The following TENM4 variants were observed in gnomAD, a reference collection of about 807,000 sequenced individuals.
TENM4 encodes the protein teneurin-4.
Under a neutral mutation model 243.3 loss-of-function variants are expected in TENM4, and 82 were observed. The ratio of observed to expected loss-of-function variants is 0.34; its 90% CI spans 0.28 to 0.40. The LOEUF (loss-of-function observed/expected upper bound fraction) is 0.40. Among genes scored for constraint, TENM4 ranks in the 10% least tolerant of loss-of-function variants. TENM4 has a pLI of 1.00. For synonymous variants in TENM4, 1,412 were observed against 1,456.3 expected (o/e 0.97, Z 0.69); for missense variants, 3,138 against 3,673.3 (o/e 0.85, Z 3.77).
intron 4 of TENM4, among the ~76,000 whole-genome samples, chr11:79,135,803 A>T (rs112872160): frequency 4.5e-4 from 65 of 143,094 alleles, no homozygotes; most frequent in Middle Eastern, 7.3e-3. Context: ...TTATATATGT[A>T]TGATATATAT....
intron 19 of TENM4, among the ~76,000 whole-genome samples, chr11:78,744,538 A>G (rs1856002719): frequency 6.6e-6 from 1 of 152,072 alleles, no homozygotes; most frequent in Admixed American, 6.5e-5. Flanking sequence ...TGGGAGAGTC[A>G]CTCCACCTCT....
intron 1 of TENM4, among the ~76,000 whole-genome samples, chr11:79,368,470 A>C (rs1438689534): frequency 6.6e-6 from 1 of 152,222 alleles, no homozygotes; most frequent in Non-Finnish European, 1.5e-5. Flanking sequence ...CTCACCTGTA[A>C]TACTATTTAT....
chr11:78,976,643 G>A (rs1857661803), intron 6 of TENM4, among the ~76,000 whole-genome samples: 1 of 152,166 alleles, frequency 6.6e-6, no homozygotes, highest in Non-Finnish European at 1.5e-5. Context: ...TTCCTCTACT[G>A]TCACTCCAAG....
intron 29 of TENM4, among the ~76,000 whole-genome samples, chr11:78,686,293 A>G (rs887181096): frequency 2.6e-5 from 4 of 152,182 alleles, no homozygotes; most frequent in Admixed American, 6.5e-5. Flanking sequence ...GGTGAAGGTG[A>G]TGTGCCTGGG....
chr11:79,168,273 C>T (rs994841520), intron 3 of TENM4, among the ~76,000 whole-genome samples: 1 of 152,156 alleles, frequency 6.6e-6, no homozygotes, highest in Non-Finnish European at 1.5e-5. Flanking sequence ...ATCTGATTAT[C>T]TCCCAAGTCA....
intron 3 of TENM4, among the ~76,000 whole-genome samples, chr11:79,184,563 G>C (rs1034264602): frequency 6.6e-6 from 1 of 151,528 alleles, no homozygotes; most frequent in African/African-American, 2.4e-5. Flanking sequence ...GGAGGTTAGG[G>C]GGGGTGGGAA....
At chr11:79,122,987 C>T (rs1277249970) in intron 4 of TENM4, among the ~76,000 whole-genome samples, 1 of 152,234 alleles carries the variant, frequency 6.6e-6, no homozygotes. Context: ...TTACCTCAAA[C>T]AGCCCTGACT....
At chr11:78,880,457 TAAAAAAAA>T (rs71763484) in intron 9 of TENM4, among the ~76,000 whole-genome samples, 1 of 104,644 alleles carries the variant, frequency 9.6e-6, no homozygotes, top group African/African-American at 6.8e-5. Flanking sequence ...CAATAAATAC[TAAAAAAAA>T]AAAAAAAAAA....
At chr11:79,023,221 C>T (rs375896585) in intron 6 of TENM4, among the ~76,000 whole-genome samples, 12 of 152,088 alleles carry the variant, frequency 7.9e-5, no homozygotes, top group Non-Finnish European at 1.8e-4. Flanking sequence ...ATGCCACCAC[C>T]CTCACATTAG....
At chr11:79,196,477 A>C (rs1344950261) in intron 3 of TENM4, among the ~76,000 whole-genome samples, 4 of 152,054 alleles carry the variant, frequency 2.6e-5, no homozygotes, top group African/African-American at 9.7e-5. Context: ...CTTAAGCCTC[A>C]GTGTCTCTGT....
In TENM4 at chr11:79,124,883, GTATATGTATA is replaced by G. The variant is rs1861835688; in HGVS notation, c.-66+23817_-66+23826del. 5.9e-5 allele frequency among the ~76,000 whole-genome samples: 4 copies of G among 68,110 alleles called. No individual in the cohort carries two copies. The South Asian group carries it at 2.1e-3, about 36-fold the overall frequency. The allele number at this position is 68,110 out of a possible 152,430, so 44.7% of individuals were successfully genotyped here. On this transcript the variant is annotated intron_variant, in intron 4 of 33. Coordinates refer to ENST00000278550, the MANE Select transcript of TENM4 (RefSeq NM_001098816.3). ...TATATGTATATGTATGTGTATATAT[GTATATGTATA>G]TGTGTGTGTGTGTGTGTGTGTGTGT...
Position 79,296,432 on chromosome 11 carries a change from C to T in TENM4, c.-265+1056G>A, listed in dbSNP as rs531214154. Reference sequence around the variant, plus strand: ...GGCCTGGAGCAGGTTTCCCTTGGTTCTCAGCTTACTGCGAGCTCACAGCTG... The same window carrying T: ...GGCCTGGAGCAGGTTTCCCTTGGTTTTCAGCTTACTGCGAGCTCACAGCTG... On this transcript the variant is annotated intron_variant, in intron 2 of 33. Coordinates refer to ENST00000278550, the MANE Select transcript of TENM4 (RefSeq NM_001098816.3). Among the ~76,000 whole-genome samples the T allele has an allele frequency of 1.3e-4, 20 of 152,350 alleles. No homozygotes were observed. The South Asian group carries it at 4.1e-3, about 32-fold the overall frequency.
At chr11:78,731,277 A>C (rs1855661367) in intron 21 of TENM4, among the ~76,000 whole-genome samples, 2 of 152,166 alleles carry the variant, frequency 1.3e-5, no homozygotes, top group South Asian at 4.1e-4. Context: ...TTTCATAAGA[A>C]AGGTCAGCCT....
chr11:79,099,224 A>C (rs1322201465), intron 4 of TENM4, among the ~76,000 whole-genome samples: 3 of 152,064 alleles, frequency 2.0e-5, no homozygotes, highest in Non-Finnish European at 2.9e-5. Flanking sequence ...CCAGGGGTGC[A>C]TCTGAGGGAG....
At chr11:79,377,085 C>G (rs1857906698) in intron 1 of TENM4, among the ~76,000 whole-genome samples, 1 of 152,180 alleles carries the variant, frequency 6.6e-6, no homozygotes, top group Admixed American at 6.5e-5. Flanking sequence ...CACAAACACA[C>G]AGGCGATAAC....
At chr11:79,229,711 C>T (rs915732282) in intron 2 of TENM4, among the ~76,000 whole-genome samples, 1 of 152,212 alleles carries the variant, frequency 6.6e-6, no homozygotes, top group African/African-American at 2.4e-5. Context: ...ATAGAAGCCT[C>T]ATGACATTGG....
intron 6 of TENM4, among the ~76,000 whole-genome samples, chr11:78,941,460 G>A (rs553207866): frequency 6.6e-6 from 1 of 152,328 alleles, no homozygotes; most frequent in South Asian, 2.1e-4. Context: ...TGCCGAGGGA[G>A]GGTGGGGGAA....
At chr11:79,236,307 C>T (rs908816935) in intron 2 of TENM4, among the ~76,000 whole-genome samples, 1 of 152,202 alleles carries the variant, frequency 6.6e-6, no homozygotes, top group Non-Finnish European at 1.5e-5. Flanking sequence ...GACATTCCTG[C>T]CTTCTAGTCG....
chr11:79,308,963 A>G lies in TENM4; in HGVS notation c.-320-11420T>C, dbSNP rs113342077. Among the ~76,000 whole-genome samples the G allele has an allele frequency of 2.8e-3, 428 of 152,320 alleles. 1 individual carries two copies. The highest frequency in any genetic ancestry group is 9.3e-3 in the African/African-American group (388 of 41,560). On this transcript the variant is annotated intron_variant, in intron 1 of 33. Coordinates refer to ENST00000278550, the MANE Select transcript of TENM4 (RefSeq NM_001098816.3). The stretch of plus-strand genomic sequence containing the variant: ...TATCAGTAACAGGCAAGTAATTATT[A>G]TGCACTATCTGATGAGAAACCAAAG...
Sources: allele counts gnomAD v4.1 joint callset (sites outside exome capture counted in the v4.1 genomes callset), GRCh38; gene constraint gnomAD v4.1.1; transcripts MANE v1.5; gene names NCBI Gene and HGNC (gene_info 2026-07-23, HGNC 2026-07-21).